The following SORL1 variants were observed in gnomAD, a reference collection of about 807,000 sequenced individuals.
SORL1 encodes sortilin-related receptor.
A neutral mutation model predicts 273.7 loss-of-function variants in SORL1; 127 were observed. The ratio of observed to expected loss-of-function variants is 0.46; its 90% confidence interval spans 0.40 to 0.54. The LOEUF (loss-of-function observed/expected upper bound fraction) is 0.54, where lower values mean the gene tolerates loss of function less well. Ranked by LOEUF, SORL1 falls within the 20% of genes least tolerant of loss-of-function variation. The pLI is 0.00. For synonymous variants in SORL1, 1,031 were observed against 1,067.4 expected (o/e 0.97, Z 0.66); for missense variants, 2,494 against 2,846.1 (o/e 0.88, Z 2.81).
chr11:121,481,665 TC>T (rs1861389889), intron 3 of SORL1, among the ~76,000 whole-genome samples: 1 of 116,374 alleles, frequency 8.6e-6, no homozygotes, highest in African/African-American at 3.8e-5. Flanking sequence ...ATAGGCAGGT[TC>T]CATCTCCTCC....
At chr11:121,601,582 T>C (rs1424626116) in intron 32 of SORL1, among the ~76,000 whole-genome samples, 1 of 98,808 alleles carries the variant, frequency 1.0e-5, no homozygotes, top group Non-Finnish European at 2.2e-5. Flanking sequence ...TTTTAATGAT[T>C]GTTTTTTTTT....
At chr11:121,548,036 T>C (rs1207826983) in intron 14 of SORL1, among the ~76,000 whole-genome samples, 1 of 152,252 alleles carries the variant, frequency 6.6e-6, no homozygotes, top group East Asian at 1.9e-4. Context: ...CATTGCCAAG[T>C]CATACAGCTT....
chr11:121,565,731 A>G (rs1862745152), intron 21 of SORL1, among the ~76,000 whole-genome samples: 1 of 152,246 alleles, frequency 6.6e-6, no homozygotes, highest in South Asian at 2.1e-4. Context: ...TCAGATTGTT[A>G]TAAAATGGTT....
Position 121,629,926 on chromosome 11 carries a change from A to G in SORL1, c.*363A>G. 4.3e-6 allele frequency: 1 copy of G among 231,848 alleles called. No individual in the cohort carries two copies. The highest frequency in any genetic ancestry group is 6.6e-5 in the South Asian group (1 of 15,244). The allele number at this position is 231,848 out of a possible 1,614,324, so 14.4% of individuals were successfully genotyped here. ...ATGTATTTAATAAAAACCTCGAGAG[A>G]GTGATGGGTGGAACCCCTTCTCCTT... On this transcript the variant is annotated 3_prime_UTR_variant, in exon 48 of 48. Transcript: ENST00000260197.
intron 2 of SORL1, among the ~76,000 whole-genome samples, chr11:121,476,020 G>A (rs1234351578): frequency 1.3e-5 from 2 of 152,218 alleles, no homozygotes; most frequent in Non-Finnish European, 2.9e-5. Flanking sequence ...GAGAGAGAAT[G>A]TTTGTAAAGG....
chr11:121,473,344 C>T (rs962803941), intron 2 of SORL1, among the ~76,000 whole-genome samples: 2 of 152,092 alleles, frequency 1.3e-5, no homozygotes, highest in South Asian at 2.1e-4. Context: ...TGCTCTCAAA[C>T]GGGGAAAAAA....
chr11:121,478,264 C>G, intron 3 of SORL1, 21 bp downstream of exon 3: 1 of 1,611,248 alleles, frequency 6.2e-7, no homozygotes, highest in Non-Finnish European at 8.5e-7. Context: ...GGCCATCCCT[C>G]CTGTCCCGAC....
chr11:121,540,533 A>AAAAAAAAAAAAAAAAAAAC (rs1185886851), intron 12 of SORL1, among the ~76,000 whole-genome samples: 1 of 150,612 alleles, frequency 6.6e-6, no homozygotes, highest in Non-Finnish European at 1.5e-5. Context: ...AAAAAAAAAA[A>AAAAAAAAAAAAAAAAAAAC]AAAGAATGCA....
chr11:121,461,728 G>A lies in SORL1; in HGVS notation c.286-8279G>A, dbSNP rs11218297. 1.5e-3 allele frequency among the ~76,000 whole-genome samples: 232 copies of A among 152,326 alleles called. 3 individuals carry two copies. The highest frequency in any genetic ancestry group is 5.5e-3 in the African/African-American group (227 of 41,582). On this transcript the variant is annotated intron_variant, in intron 1 of 47. Coordinates refer to ENST00000260197, the MANE Select transcript of SORL1 (RefSeq NM_003105.6). The stretch of plus-strand genomic sequence containing the variant: ...GGGAATCAAGGAGAAAACTGCCTGT[G>A]AGTTTCAGTTAGGCAGGAGCTCCTA...
At chr11:121,606,079 T>C (rs1172600509) in intron 35 of SORL1, among the ~76,000 whole-genome samples, 1 of 152,200 alleles carries the variant, frequency 6.6e-6, no homozygotes, top group Non-Finnish European at 1.5e-5. Context: ...TGTGCCACCA[T>C]GCTCAGCTAG....
chr11:121,549,679 A>G (rs1862479988), intron 14 of SORL1, among the ~76,000 whole-genome samples: 1 of 151,666 alleles, frequency 6.6e-6, no homozygotes, highest in African/African-American at 2.4e-5. Flanking sequence ...TAAATTGGGA[A>G]CTGGATCTGG....
At chr11:121,543,841 G>C (rs682021) in intron 13 of SORL1, 115 bp downstream of exon 13, 1 of 962,874 alleles carries the variant, frequency 1.0e-6, no homozygotes, top group East Asian at 2.5e-5. Context: ...CATTGGGGGA[G>C]ATGGGCCCAT....
chr11:121,509,352 G>T (rs1032064227), intron 6 of SORL1, among the ~76,000 whole-genome samples: 1 of 151,998 alleles, frequency 6.6e-6, no homozygotes, highest in African/African-American at 2.4e-5. Context: ...TGATAAGAAT[G>T]TCCTTTATTT....
chr11:121,588,291 C>T, intron 28 of SORL1, 140 bp downstream of exon 28: 1 of 839,078 alleles, frequency 1.2e-6, no homozygotes, highest in Non-Finnish European at 1.9e-6. Context: ...CCTGGAGTTG[C>T]ACCTCTATTT....
chr11:121,583,277 C>T (rs187840309), intron 25 of SORL1, among the ~76,000 whole-genome samples, 181 bp from the exon 26 acceptor site: 25 of 152,254 alleles, frequency 1.6e-4, no homozygotes, highest in Non-Finnish European at 2.2e-4. Flanking sequence ...TCAAGTCCAC[C>T]GAGGGAGCTG....
At chr11:121,605,290 A>G (rs1326868031) in intron 34 of SORL1, 51 bp downstream of exon 34, 1 of 1,590,626 alleles carries the variant, frequency 6.3e-7, no homozygotes, top group South Asian at 1.2e-5. Context: ...TCATTGCCCC[A>G]GGATGTTCTG....
At chr11:121,555,697 A>G (rs1862568733) in intron 18 of SORL1, among the ~76,000 whole-genome samples, 2 of 152,200 alleles carry the variant, frequency 1.3e-5, no homozygotes, top group South Asian at 4.1e-4. Context: ...TGCTATAACA[A>G]TAATCGTCTA....
chr11:121,608,402 T>C (rs944407992), intron 38 of SORL1: 3 of 514,844 alleles, frequency 5.8e-6, no homozygotes, highest in East Asian at 6.3e-5. Context: ...TTTCTTCTAA[T>C]GCAGACATAC....
rs1591310688 is a variant in SORL1 at position 121,522,480 on chromosome 11, C to T, written c.1405-106C>T. On this transcript the variant is annotated intron_variant, in intron 9 of 47. Coordinates refer to ENST00000260197, the MANE Select transcript of SORL1 (RefSeq NM_003105.6). Reference sequence around the variant, plus strand: ...GTCTGGTTTCCCCTGGGCCAGGCCTCCTTGCCCCGTGTCAGCTGCACTCCC... The same window carrying T: ...GTCTGGTTTCCCCTGGGCCAGGCCTTCTTGCCCCGTGTCAGCTGCACTCCC... The T allele has an allele frequency of 1.2e-5, 10 of 832,074 alleles. No individual in the cohort carries two copies. In the Admixed American group the frequency reaches 1.6e-4, roughly 13 times the overall value. The allele number at this position is 832,074 out of a possible 1,614,324, so 51.5% of individuals were successfully genotyped here.
Sources: gnomAD v4.1 joint callset for allele counts (sites outside exome capture counted in the v4.1 genomes callset) on GRCh38, gnomAD v4.1.1 for gene constraint, MANE v1.5 for transcripts, NCBI Gene and HGNC (gene_info 2026-07-23, HGNC 2026-07-21) for gene names.